Variants in PTPRO observed in about 807,000 individuals in gnomAD.
PTPRO encodes the protein receptor-type tyrosine-protein phosphatase O.
A neutral mutation model predicts 145.2 loss-of-function variants in PTPRO; 62 were observed. The observed-to-expected ratio is 0.43, with a 90% CI of 0.35 to 0.53. The LOEUF (loss-of-function observed/expected upper bound fraction) is 0.53. Ranked by LOEUF, PTPRO falls within the 20% of genes least tolerant of loss-of-function variation. The probability of loss-of-function intolerance (pLI) is 0.01; values close to 1 mark genes in which losing one functional copy is unlikely to be tolerated. For missense variants in PTPRO, 1,345 were observed against 1,482.7 expected (o/e 0.91, Z 1.53); for synonymous variants, 565 against 514.7 (o/e 1.10, Z -1.32).
chr12:15,408,513 C>T (rs928374138), intron 1 of PTPRO, among the ~76,000 whole-genome samples: 3 of 152,068 alleles, frequency 2.0e-5, no homozygotes, highest in African/African-American at 7.2e-5. Flanking sequence ...CTGCAAACTC[C>T]GCCTCCTGGG....
intron 1 of PTPRO, among the ~76,000 whole-genome samples, chr12:15,358,034 C>CA (rs1334134139): frequency 6.6e-6 from 1 of 151,464 alleles, no homozygotes; most frequent in Non-Finnish European, 1.5e-5. Context: ...GGCACATATA[C>CA]ACCATGGAAT....
chr12:15,471,480 A>G (rs771430895), intron 1 of PTPRO, among the ~76,000 whole-genome samples: 29 of 152,228 alleles, frequency 1.9e-4, no homozygotes, highest in Admixed American at 4.6e-4. Flanking sequence ...TAAAAAGTCT[A>G]GTAATCCACA....
intron 12 of PTPRO, among the ~76,000 whole-genome samples, chr12:15,528,863 C>T (rs924229719): frequency 1.3e-5 from 2 of 152,040 alleles, no homozygotes; most frequent in African/African-American, 4.8e-5. Context: ...AACATTTTTA[C>T]AGTGCTCAAA....
At chr12:15,333,664 T>C (rs1365263190) in intron 1 of PTPRO, among the ~76,000 whole-genome samples, 2 of 151,936 alleles carry the variant, frequency 1.3e-5, no homozygotes, top group Non-Finnish European at 1.5e-5. Flanking sequence ...CGCCACTGAG[T>C]CGGGCTGGGG....
chr12:15,390,225 G>C (rs192067893), intron 1 of PTPRO, among the ~76,000 whole-genome samples: 346 of 152,160 alleles, frequency 2.3e-3, no homozygotes, highest in Non-Finnish European at 4.1e-3. Context: ...ATGCACTTCT[G>C]CTTGTGCATG....
intron 1 of PTPRO, among the ~76,000 whole-genome samples, chr12:15,331,107 T>C (rs1866596128): frequency 1.3e-5 from 2 of 152,060 alleles, no homozygotes; most frequent in Non-Finnish European, 2.9e-5. Context: ...AGGCACCGAT[T>C]GTTAATTTCA....
chr12:15,428,250 G>A (rs1050880649), intron 1 of PTPRO, among the ~76,000 whole-genome samples: 3 of 152,246 alleles, frequency 2.0e-5, no homozygotes, highest in South Asian at 4.1e-4. Flanking sequence ...GAGCCATTAC[G>A]ACAAATAATT....
intron 17 of PTPRO, among the ~76,000 whole-genome samples, chr12:15,562,964 T>C (rs1460631197): frequency 6.6e-6 from 1 of 152,090 alleles, no homozygotes; most frequent in African/African-American, 2.4e-5. Flanking sequence ...CATCAAAGAG[T>C]AAGCAGCACT....
At chr12:15,385,341 G>A (rs1398846180) in intron 1 of PTPRO, among the ~76,000 whole-genome samples, 1 of 152,236 alleles carries the variant, frequency 6.6e-6, no homozygotes, top group East Asian at 1.9e-4. Flanking sequence ...CTCACAACTT[G>A]AGGGCAACTA....
Position 15,524,796 on chromosome 12 carries a change from C to A in PTPRO, c.1892-18C>A. 1 of 1,607,458 alleles carries A rather than the reference C, an allele frequency of 6.2e-7. No homozygotes were observed. Reference sequence around the variant, plus strand: ...ATCCATCTATTATACTAAATTGTGCCTCGTTTCTCCCTTGTAGCCCCAGTG... The same window carrying A: ...ATCCATCTATTATACTAAATTGTGCATCGTTTCTCCCTTGTAGCCCCAGTG... On this transcript the variant is annotated intron_variant, in intron 10 of 26. Coordinates refer to ENST00000281171, the MANE Select transcript of PTPRO (RefSeq NM_030667.3).
At chr12:15,583,712 CTT>C (rs1340835554) in intron 23 of PTPRO, among the ~76,000 whole-genome samples, 2 of 152,072 alleles carry the variant, frequency 1.3e-5, no homozygotes, top group African/African-American at 4.8e-5. Flanking sequence ...CTAACTGTCT[CTT>C]TGCAGAAAAT....
chr12:15,379,099 G>T (rs999083317), intron 1 of PTPRO, among the ~76,000 whole-genome samples: 7 of 152,144 alleles, frequency 4.6e-5, no homozygotes, highest in Admixed American at 3.9e-4. Flanking sequence ...AAATAGTATG[G>T]CCACTTCAGA....
At chr12:15,475,897 A>T (rs191960266) in intron 1 of PTPRO, among the ~76,000 whole-genome samples, 100 of 152,166 alleles carry the variant, frequency 6.6e-4, no homozygotes, top group Non-Finnish European at 1.2e-3. Flanking sequence ...GGGTATGATT[A>T]CTCTTTCTTT....
chr12:15,471,169 A>G (rs1015783153), intron 1 of PTPRO, among the ~76,000 whole-genome samples: 2 of 152,152 alleles, frequency 1.3e-5, no homozygotes, highest in Admixed American at 6.5e-5. Context: ...GCTTGAGCCC[A>G]GGAGTTTGAG....
At chr12:15,399,395 T>C (rs1698610338) in intron 1 of PTPRO, among the ~76,000 whole-genome samples, 1 of 152,094 alleles carries the variant, frequency 6.6e-6, no homozygotes. Flanking sequence ...CCAGGTAAAG[T>C]AAAAAAGTAA....
chr12:15,334,516 T>TAAATAATTCAGTATTTCTCTGGTA (rs1866700889), intron 1 of PTPRO, among the ~76,000 whole-genome samples: 3 of 152,218 alleles, frequency 2.0e-5, no homozygotes, highest in Non-Finnish European at 4.4e-5. Flanking sequence ...TGCTATTACT[T>TAAATAATTCAGTATTTCTCTGGTA]AAATAATTCA....
At chr12:15,530,335 A>G (rs1387253012) in intron 12 of PTPRO, among the ~76,000 whole-genome samples, 2 of 152,304 alleles carry the variant, frequency 1.3e-5, no homozygotes, top group Admixed American at 1.3e-4. Flanking sequence ...CAGAATAACA[A>G]CAAAGAAACA....
At chr12:15,509,644 C>CTGAGATCGCA (rs1942396437) in intron 7 of PTPRO, among the ~76,000 whole-genome samples, 1 of 147,650 alleles carries the variant, frequency 6.8e-6, no homozygotes, top group South Asian at 2.1e-4. Flanking sequence ...TTGCAGTGAG[C>CTGAGATCGCA]CCACTGTACT....
In PTPRO at chr12:15,424,626, G is replaced by A. The variant is rs1354105404; in HGVS notation, c.76-59348G>A. On this transcript the variant is annotated intron_variant, in intron 1 of 26. Coordinates refer to ENST00000281171, the MANE Select transcript of PTPRO (RefSeq NM_030667.3). ...GCTGATGTATACACAAACAAATAAT[G>A]GGTGCATGAAAGAGGGTCACCTTAT... Among the ~76,000 whole-genome samples, 5 of 152,062 alleles carry A rather than the reference G, an allele frequency of 3.3e-5. No homozygotes were observed. In the South Asian group the frequency reaches 6.2e-4, roughly 19 times the overall value.
Sources: allele counts gnomAD v4.1 joint callset (sites outside exome capture counted in the v4.1 genomes callset), GRCh38; gene constraint gnomAD v4.1.1; transcripts MANE v1.5; gene names NCBI Gene and HGNC (gene_info 2026-07-23, HGNC 2026-07-21).